Variants in ZFHX3 observed in about 807,000 individuals in gnomAD.
ZFHX3 encodes the protein zinc finger homeobox protein 3.
ZFHX3 carries 42 observed loss-of-function variants against 279.1 expected under a neutral mutation model. The observed-to-expected ratio is 0.15, with a 90% CI of 0.12 to 0.19. ZFHX3 has a LOEUF of 0.19. Among genes scored for constraint, ZFHX3 ranks in the 10% least tolerant of loss-of-function variants. ZFHX3 has a pLI of 1.00. For missense variants in ZFHX3, 4,981 were observed against 4,754.0 expected (o/e 1.05, Z -1.40); for synonymous variants, 2,293 against 1,957.8 (o/e 1.17, Z -4.52).
intron 1 of ZFHX3, among the ~76,000 whole-genome samples, chr16:73,055,688 GCGCGCGCGCGCA>G (rs886953633): frequency 1.5e-4 from 14 of 90,510 alleles, no homozygotes; most frequent in African/African-American, 4.7e-4. Context: ...ACGCGCGCGC[GCGCGCGCGCGCA>G]CACACACACA....
intron 5 of ZFHX3, among the ~76,000 whole-genome samples, chr16:73,206,381 T>C (rs1390151788): frequency 6.6e-6 from 1 of 152,188 alleles, no homozygotes; most frequent in Non-Finnish European, 1.5e-5. Context: ...AATGAAGAGA[T>C]CTGGCCAACA....
intron 9 of ZFHX3, among the ~76,000 whole-genome samples, chr16:72,792,660 C>A (rs7193349): frequency 0.063 from 9,516 of 152,114 alleles, 590 homozygotes; most frequent in African/African-American, 0.16. Flanking sequence ...CCATGTTGGC[C>A]AGGCTGGTCT....
intron 2 of ZFHX3, among the ~76,000 whole-genome samples, chr16:73,635,860 G>A (rs1167134213): frequency 1.3e-5 from 2 of 152,112 alleles, no homozygotes; most frequent in Non-Finnish European, 2.9e-5. Context: ...AAAACTACTT[G>A]AAAGAGTTGT....
Position 73,815,278 on chromosome 16 carries a change from G to T in ZFHX3, c.-1608+76373C>A, listed in dbSNP as rs185290633. ...GCTCACACTTCCAAACAGAGTAGGT[G>T]TTCCTTCTGATCTAAGCATACCTGA... is the stretch of plus-strand genomic sequence containing the variant. On this transcript the variant is annotated intron_variant, in intron 1 of 17. Transcript: ENST00000641206. Among the ~76,000 whole-genome samples, 2 of 152,194 alleles carry T rather than the reference G, an allele frequency of 1.3e-5. 1 individual carries two copies. Among genetic ancestry groups the T allele is most frequent in the South Asian group, 4.1e-4 (2 of 4,832 alleles).
chr16:73,360,587 C>T (rs1438121660), intron 3 of ZFHX3, among the ~76,000 whole-genome samples: 1 of 152,234 alleles, frequency 6.6e-6, no homozygotes, highest in Non-Finnish European at 1.5e-5. Context: ...GATCCACCCA[C>T]CTTGGCCTAC....
intron 1 of ZFHX3, among the ~76,000 whole-genome samples, chr16:73,737,827 C>T (rs1597089037): frequency 6.6e-6 from 1 of 152,146 alleles, no homozygotes; most frequent in Non-Finnish European, 1.5e-5. Context: ...TTAGCACCTC[C>T]CCCAGAGAGT....
At chr16:73,424,974 G>A (rs1480401034) in intron 3 of ZFHX3, among the ~76,000 whole-genome samples, 1 of 152,152 alleles carries the variant, frequency 6.6e-6, no homozygotes. Flanking sequence ...CCATGAGGGG[G>A]TCTGATAACT....
chr16:73,568,252 G>A (rs1412005343), intron 2 of ZFHX3, among the ~76,000 whole-genome samples: 1 of 147,816 alleles, frequency 6.8e-6, no homozygotes, highest in Admixed American at 6.6e-5. Context: ...AAAACCCAAA[G>A]CGTGGGTCTT....
chr16:72,861,080 G>C (rs918887502), intron 4 of ZFHX3, among the ~76,000 whole-genome samples: 1 of 152,028 alleles, frequency 6.6e-6, no homozygotes, highest in Non-Finnish European at 1.5e-5. Flanking sequence ...CCATGCAAAT[G>C]ACTCCCTAAC....
At chr16:73,815,271 A>C (rs1246950172) in intron 1 of ZFHX3, among the ~76,000 whole-genome samples, 1 of 152,212 alleles carries the variant, frequency 6.6e-6, no homozygotes, top group Non-Finnish European at 1.5e-5. Context: ...TTCCAAACAG[A>C]GTAGGTGTTC....
upstream of ZFHX3, chr16:73,048,197 G>A (rs1228471617): frequency 1.3e-5 from 2 of 153,198 alleles, no homozygotes; most frequent in Non-Finnish European, 2.9e-5. Context: ...GGGGGCCTTC[G>A]GGGATCCACA....
intron 1 of ZFHX3, among the ~76,000 whole-genome samples, chr16:73,730,372 A>AAAAG (rs2053559467): frequency 1.7e-5 from 2 of 114,572 alleles, no homozygotes; most frequent in Admixed American, 1.0e-4. Context: ...AAAAAAAAAA[A>AAAAG]AAAGAAAAAG....
In ZFHX3 at chr16:72,957,792, T is replaced by C. The variant is rs557562869; in HGVS notation, c.2354A>G (p.Asn785Ser). 98 of 1,612,040 alleles carry C rather than the reference T, an allele frequency of 6.1e-5. No homozygotes were observed. In the African/African-American group the frequency reaches 1.1e-3, roughly 18 times the overall value. The part of the protein sequence containing the change: ...AAVAAAAAAA[N>S]ISSSCGAPSP... ...GGGGGCCCCGCAGGAGCTACTGATATTGGCTGCCGCCGCCGCCGCAGCCAC... is the reference window on the plus strand; with the variant it reads ...GGGGGCCCCGCAGGAGCTACTGATACTGGCTGCCGCCGCCGCCGCAGCCAC... The change falls in exon 2 of 10, where the codon AAT (asparagine) becomes AGT (serine). Residue 785 changes from asparagine (N) to serine (S), a missense_variant. Coordinates refer to ENST00000268489, the MANE Select transcript of ZFHX3 (RefSeq NM_006885.4).
chr16:73,335,459 C>A (rs1034123374), intron 3 of ZFHX3, among the ~76,000 whole-genome samples: 1 of 152,162 alleles, frequency 6.6e-6, no homozygotes, highest in African/African-American at 2.4e-5. Context: ...GTTTCCGCTG[C>A]AGAATATTTT....
chr16:72,855,968 T>G (rs1485463968), intron 4 of ZFHX3, among the ~76,000 whole-genome samples: 1 of 152,230 alleles, frequency 6.6e-6, no homozygotes, highest in Non-Finnish European at 1.5e-5. Flanking sequence ...AGGCCGTGTA[T>G]GAGAACACCA....
chr16:73,346,724 G>A (rs1000430421), intron 3 of ZFHX3, among the ~76,000 whole-genome samples: 1 of 152,040 alleles, frequency 6.6e-6, no homozygotes, highest in African/African-American at 2.4e-5. Flanking sequence ...TGCCCACCTC[G>A]GCCTCCCAAA....
In ZFHX3 at chr16:73,162,006, G is replaced by A. The variant is rs537983284; in HGVS notation, c.-1103-18175C>T. 5.9e-5 allele frequency among the ~76,000 whole-genome samples: 9 copies of A among 152,196 alleles called. 1 individual carries two copies. Among genetic ancestry groups the A allele is most frequent in the Non-Finnish European group, 1.3e-4 (9 of 68,036 alleles). ...ATTGTTATAATGATACAAGCTACAG[G>A]CAAGTGGAGAATGACCAAATCTCAG... On this transcript the variant is annotated intron_variant, in intron 5 of 17. Coordinates refer to the ZFHX3 transcript ENST00000641206.
chr16:73,063,216 G>C (rs1218050742), upstream of ZFHX3, among the ~76,000 whole-genome samples: 5 of 152,218 alleles, frequency 3.3e-5, no homozygotes, highest in South Asian at 8.3e-4. Context: ...GCCCGAGCCC[G>C]GGGAAGGGGC....
chr16:72,979,792 C>CA (rs954168965), intron 1 of ZFHX3, among the ~76,000 whole-genome samples: 2 of 151,868 alleles, frequency 1.3e-5, no homozygotes, highest in African/African-American at 2.4e-5. Flanking sequence ...AATTTTGAAC[C>CA]AAAAAAATCA....
Sources: gnomAD v4.1 joint callset for allele counts (sites outside exome capture counted in the v4.1 genomes callset) on GRCh38, gnomAD v4.1.1 for gene constraint, MANE v1.5 for transcripts, NCBI Gene and HGNC (gene_info 2026-07-23, HGNC 2026-07-21) for gene names.